The following FMN1 variants were observed in gnomAD, a reference collection of about 807,000 sequenced individuals.
FMN1 encodes the protein formin-1.
A neutral mutation model predicts 132.4 loss-of-function variants in FMN1; 110 were observed. The observed-to-expected ratio is 0.83, with a 90% CI of 0.71 to 0.97. The LOEUF (loss-of-function observed/expected upper bound fraction) is 0.97. Among genes scored for constraint, FMN1 ranks in the 50% least tolerant of loss-of-function variants. The probability of loss-of-function intolerance (pLI) is 0.00; values close to 1 mark genes in which losing one functional copy is unlikely to be tolerated. For missense variants in FMN1, 1,792 were observed against 1,705.3 expected (o/e 1.05, Z -0.90); for synonymous variants, 722 against 651.7 (o/e 1.11, Z -1.64).
intron 17 of FMN1, chr15:32,811,143 T>C (rs1273162464): frequency 4.4e-6 from 2 of 454,904 alleles, no homozygotes; most frequent in South Asian, 3.1e-5. Flanking sequence ...AAACAACAGA[T>C]ATTTGGAACC....
chr15:33,039,004 G>T (rs560906483), intron 6 of FMN1, among the ~76,000 whole-genome samples: 1 of 152,106 alleles, frequency 6.6e-6, no homozygotes, highest in Non-Finnish European at 1.5e-5. Context: ...CCAGATATCT[G>T]AATTAAAACA....
At chr15:32,798,454 C>G (rs948751750) in intron 19 of FMN1, among the ~76,000 whole-genome samples, 1 of 152,186 alleles carries the variant, frequency 6.6e-6, no homozygotes, top group African/African-American at 2.4e-5. Flanking sequence ...TTTTATTTGT[C>G]TATACTGTCT....
At chr15:32,895,679 CTA>C (rs1375505277) in intron 15 of FMN1, among the ~76,000 whole-genome samples, 1 of 151,902 alleles carries the variant, frequency 6.6e-6, no homozygotes. Context: ...TTTATGTCTT[CTA>C]TATGTCTTTT....
At chr15:32,838,378 C>T (rs2058673473) in intron 17 of FMN1, among the ~76,000 whole-genome samples, 1 of 152,220 alleles carries the variant, frequency 6.6e-6, no homozygotes, top group East Asian at 1.9e-4. Context: ...GACTGAGCAA[C>T]TGGTGCCCGA....
In FMN1 at chr15:32,774,319, G is replaced by A; in HGVS notation, c.4251C>T (p.Thr1417=). The change falls in exon 21 of 21, where the codon ACC becomes ACT. Residue 1417 remains threonine (T), a synonymous_variant. Transcript: ENST00000616417. The part of the protein sequence containing the change: ...ERLRQKEASV[T]TN ...TCCATGTGTCTTCATCTTAGTTAGT[G>A]GTCACACTGGCTTCCTTCTGACGCA... 4 of 1,603,650 alleles carry A rather than the reference G, an allele frequency of 2.5e-6. No individual in the cohort carries two copies. The highest frequency in any genetic ancestry group is 2.6e-6 in the Non-Finnish European group (3 of 1,174,540).
Position 33,153,165 on chromosome 15 carries a change from C to T in FMN1, c.1750G>A (p.Gly584Arg). 3 of 1,536,156 alleles carry T rather than the reference C, an allele frequency of 2.0e-6. No homozygotes were observed. Among genetic ancestry groups the T allele is most frequent in the Non-Finnish European group, 2.6e-6 (3 of 1,146,932 alleles). ...GCTCTGAGGAAGGCCGGGCTGGCTCCTTTGGTCTCCGTGACCTTTGCAGAG... is the reference window on the plus strand; with the variant it reads ...GCTCTGAGGAAGGCCGGGCTGGCTCTTTTGGTCTCCGTGACCTTTGCAGAG... Reference protein sequence around the residue: ...PSSAKVTETKGASPAFLRAGQ... With the variant: ...PSSAKVTETKRASPAFLRAGQ... Residue 584 changes from glycine to arginine, a missense_variant, in exon 4 of 21, where the codon GGA (glycine) becomes AGA (arginine). Gly to Arg is a moderately radical substitution (Grantham distance 125). Coordinates refer to ENST00000616417, the MANE Select transcript of FMN1 (RefSeq NM_001277313.2).
intron 4 of FMN1, among the ~76,000 whole-genome samples, chr15:33,109,974 C>G (rs1355811249): frequency 6.6e-6 from 1 of 152,010 alleles, no homozygotes; most frequent in South Asian, 2.1e-4. Context: ...CAACTGGACA[C>G]AGCAAGTTCC....
At chr15:33,165,485 G>A (rs1965065678) in intron 3 of FMN1, among the ~76,000 whole-genome samples, 1 of 152,158 alleles carries the variant, frequency 6.6e-6, no homozygotes, top group Non-Finnish European at 1.5e-5. Context: ...CCGCCTCCCG[G>A]GTTCACGCCA....
intron 4 of FMN1, among the ~76,000 whole-genome samples, chr15:33,118,993 G>C (rs975325896): frequency 1.3e-5 from 2 of 151,942 alleles, no homozygotes; most frequent in African/African-American, 4.8e-5. Flanking sequence ...TATTCAGATG[G>C]TATAATTTAA....
chr15:33,121,795 T>G (rs572185033), intron 4 of FMN1, among the ~76,000 whole-genome samples: 10 of 152,188 alleles, frequency 6.6e-5, no homozygotes, highest in Non-Finnish European at 1.2e-4. Context: ...CCTCCCAAAG[T>G]GCTAGGATTA....
At chr15:32,790,030 G>A (rs192067795) in intron 19 of FMN1, among the ~76,000 whole-genome samples, 105 of 42,188 alleles carry the variant, frequency 2.5e-3, no homozygotes, top group Non-Finnish European at 4.2e-3. Context: ...AATGTATCCC[G>A]CTAGTTAAGT....
chr15:33,125,092 G>A (rs1234221871), intron 4 of FMN1, among the ~76,000 whole-genome samples: 2 of 152,086 alleles, frequency 1.3e-5, no homozygotes, highest in African/African-American at 2.4e-5. Context: ...CCCTCTCTGT[G>A]AAATAACATA....
At chr15:32,988,994 C>T (rs1203246327) in intron 7 of FMN1, among the ~76,000 whole-genome samples, 1 of 152,192 alleles carries the variant, frequency 6.6e-6, no homozygotes, top group Non-Finnish European at 1.5e-5. Flanking sequence ...AAATGTCATT[C>T]TCCCAGCAGA....
intron 6 of FMN1, among the ~76,000 whole-genome samples, chr15:33,061,045 T>C (rs2037459856): frequency 6.6e-6 from 1 of 152,214 alleles, no homozygotes; most frequent in Non-Finnish European, 1.5e-5. Flanking sequence ...AGGTTCTCCC[T>C]CTGAACTTCC....
intron 9 of FMN1, among the ~76,000 whole-genome samples, chr15:32,953,131 C>G (rs934663580): frequency 2.0e-5 from 3 of 152,180 alleles, no homozygotes; most frequent in African/African-American, 7.2e-5. Context: ...TTTTGTCATT[C>G]ACTCCACTGG....
At chr15:33,001,489 G>A (rs1596445222) in intron 7 of FMN1, among the ~76,000 whole-genome samples, 1 of 152,002 alleles carries the variant, frequency 6.6e-6, no homozygotes, top group African/African-American at 2.4e-5. Context: ...ACTGTTTTAT[G>A]TCATTTATAA....
chr15:32,844,366 T>A (rs2058812527), intron 17 of FMN1, among the ~76,000 whole-genome samples: 1 of 152,218 alleles, frequency 6.6e-6, no homozygotes, highest in South Asian at 2.1e-4. Context: ...AGCCATGAAG[T>A]GTGATCTATC....
intron 9 of FMN1, among the ~76,000 whole-genome samples, chr15:32,932,176 A>T (rs574655399): frequency 6.6e-6 from 1 of 152,152 alleles, no homozygotes. Context: ...AGGTAGGCGG[A>T]TCACTTGAGG....
chr15:32,885,428 T>C (rs770675333), intron 16 of FMN1, among the ~76,000 whole-genome samples: 6 of 152,224 alleles, frequency 3.9e-5, no homozygotes, highest in Non-Finnish European at 8.8e-5. Flanking sequence ...TGATATGTAT[T>C]GAACACATGC....
Sources: gnomAD v4.1 joint callset for allele counts (sites outside exome capture counted in the v4.1 genomes callset) on GRCh38, gnomAD v4.1.1 for gene constraint, MANE v1.5 for transcripts, NCBI Gene and HGNC (gene_info 2026-07-23, HGNC 2026-07-21) for gene names.